NEB: variants seen among roughly 807,000 people sequenced by gnomAD.
NEB encodes nemaline myopathy type 2.
Under a neutral mutation model 952.2 loss-of-function variants are expected in NEB, and 512 were observed. The observed-to-expected ratio is 0.54, with a 90% CI of 0.50 to 0.58. The LOEUF (loss-of-function observed/expected upper bound fraction) is 0.58, where lower values mean the gene tolerates loss of function less well. Ranked by LOEUF, NEB falls within the 20% of genes least tolerant of loss-of-function variation. The pLI, the probability that NEB is intolerant of heterozygous loss-of-function variation, is 0.00. For missense variants in NEB, 8,428 were observed against 9,231.1 expected (o/e 0.91, Z 3.56); for synonymous variants, 2,900 against 3,149.8 (o/e 0.92, Z 2.66).
chr2:151,698,702 A>C (rs1328277793), intron 13 of NEB, among the ~76,000 whole-genome samples: 1 of 149,998 alleles, frequency 6.7e-6, no homozygotes, highest in Non-Finnish European at 1.5e-5. Context: ...CAGTGGCACA[A>C]ACTCGGCTCA....
Position 151,672,619 on chromosome 2 carries a change from T to C in NEB, c.4049A>G (p.Gln1350Arg), listed in dbSNP as rs1262493746. ...KGKHVGFRSL[Q>R]DDPKLVHYMN... ...ATAGTGGACCAGCTTGGGATCATCCTGGAGGCTTCTGAAACCCACATGCTT... is the reference window on the plus strand; with the variant it reads ...ATAGTGGACCAGCTTGGGATCATCCCGGAGGCTTCTGAAACCCACATGCTT... The change falls in exon 37 of 182, where the codon CAG (glutamine) becomes CGG (arginine). Residue 1350 changes from glutamine to arginine, a missense_variant. Gln to Arg is a conservative substitution (Grantham distance 43). Around this residue, in one of 11 missense-constraint regions of NEB, gnomAD observed 2,851 missense variants for 2,791.5 expected, o/e 1.02. Coordinates refer to ENST00000397345, the MANE Select transcript of NEB (RefSeq NM_001164508.2). 1.9e-6 allele frequency: 3 copies of C among 1,613,914 alleles called. No individual in the cohort carries two copies. The highest frequency in any genetic ancestry group is 2.5e-6 in the Non-Finnish European group (3 of 1,179,890).
In NEB at chr2:151,526,156, A is replaced by C; in HGVS notation, c.22050+2T>G. On this transcript the variant is annotated splice_donor_variant, in intron 149 of 181. Transcript: ENST00000397345. LOFTEE classifies it high-confidence loss of function. ...CAGAACTCATGGGCGGCTGGGGGTT[A>C]CCTCAGACACCAGGTTGCTGACAGT... 1 of 1,613,748 alleles carries C rather than the reference A, an allele frequency of 6.2e-7. No individual in the cohort carries two copies. The highest frequency in any genetic ancestry group is 8.5e-7 in the Non-Finnish European group (1 of 1,179,704).
intron 165 of NEB, among the ~76,000 whole-genome samples, 180 bp from the exon 166 acceptor site, chr2:151,503,621 A>C (rs1029872343): frequency 1.1e-5 from 1 of 88,254 alleles, no homozygotes; most frequent in Non-Finnish European, 2.6e-5. Context: ...AAATAGTAAA[A>C]ATTTTTACTA....
intron 125 of NEB, among the ~76,000 whole-genome samples, chr2:151,554,635 T>C (rs1381222582): frequency 6.6e-6 from 1 of 152,244 alleles, no homozygotes; most frequent in Admixed American, 6.5e-5. Context: ...GTAAGGTCTT[T>C]GGAGTTACCC....
In NEB at chr2:151,512,781, A is replaced by G. The variant is rs550057953; in HGVS notation, c.23298T>C (p.Asp7766=). 1 of 1,613,938 alleles carries G rather than the reference A, an allele frequency of 6.2e-7. No individual in the cohort carries two copies. The highest frequency in any genetic ancestry group is 1.1e-5 in the South Asian group (1 of 91,062). ...MEKANFTSVV[D]TPEIIHAQQV... ...GTTGGGCATGAATGATCTCTGGAGT[A>G]TCAACCACAGAAGTGAAATTGGCTT... Residue 7766 remains aspartate, a synonymous_variant, in exon 161 of 182, where the codon GAT becomes GAC. Transcript: ENST00000397345.
intron 10 of NEB, 116 bp downstream of exon 10, chr2:151,717,300 A>C: frequency 1.3e-6 from 1 of 752,322 alleles, no homozygotes; most frequent in Non-Finnish European, 2.4e-6. Context: ...CATATGTAAA[A>C]ATACTCCTAG....
intron 142 of NEB, 67 bp downstream of exon 142, chr2:151,535,624 T>TA (rs1232097887): frequency 1.1e-5 from 11 of 1,014,004 alleles, no homozygotes; most frequent in Middle Eastern, 2.1e-4. Context: ...GGCTTTAATT[T>TA]AAAAAAACTC....
At chr2:151,493,682 A>T (rs551850470) in intron 175 of NEB, 93 bp downstream of exon 175, 380 of 1,074,174 alleles carry the variant, frequency 3.5e-4, no homozygotes, top group Non-Finnish European at 4.9e-4. Context: ...GATACACAAA[A>T]GTTTTGGAAA....
chr2:151,611,321 T>A (rs2097948781), intron 78 of NEB, among the ~76,000 whole-genome samples: 1 of 152,204 alleles, frequency 6.6e-6, no homozygotes, highest in Non-Finnish European at 1.5e-5. Context: ...CATTCTTTTT[T>A]ATTATTTTTT....
Position 151,689,602 on chromosome 2 carries a change from C to T in NEB, c.2310+1125G>A, listed in dbSNP as rs994253996. 4 of 152,296 alleles carry T rather than the reference C, an allele frequency of 2.6e-5. No homozygotes were observed. The East Asian group carries it at 7.7e-4, about 29-fold the overall frequency. The allele number at this position is 152,296 out of a possible 1,614,324, so 9.4% of individuals were successfully genotyped here. A position where few individuals can be genotyped will look rare whatever the true frequency, so the allele number is the denominator to read the frequency against. The stretch of plus-strand genomic sequence containing the variant: ...AAGGGAGTGTAAAGAACGGATGAGG[C>T]TGTTTAATTTTGGAGCCAAAGGCAA... On this transcript the variant is annotated intron_variant, in intron 24 of 181. Coordinates refer to ENST00000397345, the MANE Select transcript of NEB (RefSeq NM_001164508.2).
Position 151,697,272 on chromosome 2 carries a change from G to A in NEB, c.1366-20C>T. The A allele has an allele frequency of 1.2e-6, 2 of 1,611,140 alleles. No individual in the cohort carries two copies. Among genetic ancestry groups the A allele is most frequent in the East Asian group, 2.2e-5 (1 of 44,856 alleles). On this transcript the variant is annotated intron_variant, in intron 15 of 181. Transcript: ENST00000397345. ...GTTTTTCTATGAGGAGAAGAAATTA[G>A]GCATAAGATGCAGCCATTGTATTCA...
intron 161 of NEB, among the ~76,000 whole-genome samples, chr2:151,511,089 C>G (rs369069068): frequency 6.6e-6 from 1 of 152,220 alleles, no homozygotes; most frequent in Admixed American, 6.5e-5. Context: ...CGTGATCCCA[C>G]ACTGGGATAG....
rs1417546432 is a variant in NEB at position 151,610,042 on chromosome 2, T to C, written c.12097A>G (p.Met4033Val). 6.2e-7 allele frequency: 1 copy of C among 1,613,754 alleles called. No homozygotes were observed. The highest frequency in any genetic ancestry group is 8.5e-7 in the Non-Finnish European group (1 of 1,179,830). The change falls in exon 81 of 182, where the codon ATG becomes GTG. Residue 4033 changes from methionine (M) to valine (V), a missense_variant. Coordinates refer to ENST00000397345, the MANE Select transcript of NEB (RefSeq NM_001164508.2). ...AQSIEDDPKI[M>V]CAIHAGKIQS... ...ATTTTTCCTGCATGTATGGCACACA[T>C]AATCTTGGGATCATCTTCAATGCTC...
At chr2:151,720,367 C>T (rs2099770848) in intron 9 of NEB, among the ~76,000 whole-genome samples, 1 of 152,080 alleles carries the variant, frequency 6.6e-6, no homozygotes, top group Non-Finnish European at 1.5e-5. Context: ...GGCTCTGTGC[C>T]CAATAATTGT....
At chr2:151,643,474 A>G in intron 57 of NEB, 121 bp from the exon 58 acceptor site, 1 of 867,622 alleles carries the variant, frequency 1.2e-6, no homozygotes, top group Non-Finnish European at 1.7e-6. Context: ...TATTTTTAAT[A>G]CTTGAATTAT....
At chr2:151,500,172 A>ATTGT (rs2063348281) in intron 168 of NEB, among the ~76,000 whole-genome samples, 2 of 152,338 alleles carry the variant, frequency 1.3e-5, no homozygotes, top group African/African-American at 2.4e-5. Flanking sequence ...AAATTGAAGG[A>ATTGT]TTGTTAGTGA....
chr2:151,581,895 G>A (rs1367274170), intron 102 of NEB, among the ~76,000 whole-genome samples: 31 of 148,130 alleles, frequency 2.1e-4, no homozygotes, highest in African/African-American at 5.7e-4. Flanking sequence ...TTATTTAAAA[G>A]GTGCCAATAG....
At chr2:151,610,176 C>A in intron 80 of NEB, 56 bp from the exon 81 acceptor site, 2 of 1,400,530 alleles carry the variant, frequency 1.4e-6, no homozygotes. Context: ...TGCTCATGTG[C>A]TGACAATTAC....
intron 43 of NEB, 31 bp downstream of exon 43, chr2:151,664,728 C>G: frequency 2.5e-6 from 4 of 1,568,992 alleles, no homozygotes. Flanking sequence ...TTAACCTTCT[C>G]CCCAGCTTTT....
Sources: gnomAD v4.1 joint callset for allele counts (sites outside exome capture counted in the v4.1 genomes callset) on GRCh38, gnomAD v4.1.1 for gene constraint, gnomAD v4.1.1 regional missense constraint, MANE v1.5 for transcripts, NCBI Gene and HGNC (gene_info 2026-07-23, HGNC 2026-07-21) for gene names.